The following PHLPP1 variants were observed in gnomAD, a reference collection of about 807,000 sequenced individuals.
PHLPP1 encodes PH domain and leucine rich repeat protein phosphatase 1, also known as PH domain leucine-rich repeat-containing protein phosphatase 1.
In PHLPP1, 42 loss-of-function variants were observed where a neutral mutation model predicts 117.2. The observed-to-expected ratio is 0.36, with a 90% CI of 0.28 to 0.46. The LOEUF (loss-of-function observed/expected upper bound fraction) is 0.46. PHLPP1 is among the 20% of genes least tolerant of loss of function. The pLI, the probability that PHLPP1 is intolerant of heterozygous loss-of-function variation, is 1.00. For synonymous variants in PHLPP1, 1,042 were observed against 970.7 expected (o/e 1.07, Z -1.37); for missense variants, 2,084 against 2,241.9 (o/e 0.93, Z 1.42).
chr18:62,858,886 T>A (rs1915563395), intron 3 of PHLPP1, among the ~76,000 whole-genome samples: 1 of 152,188 alleles, frequency 6.6e-6, no homozygotes, highest in African/African-American at 2.4e-5. Context: ...TATTGAGTGC[T>A]TTTTCTGTGC....
chr18:62,777,657 G>A (rs995380060), intron 1 of PHLPP1, among the ~76,000 whole-genome samples: 1 of 152,050 alleles, frequency 6.6e-6, no homozygotes, highest in African/African-American at 2.4e-5. Context: ...AAGCTCTGTA[G>A]TTTTAAGTCT....
intron 1 of PHLPP1, among the ~76,000 whole-genome samples, chr18:62,823,922 GGC>G (rs1402701902): frequency 6.6e-6 from 1 of 151,922 alleles, no homozygotes; most frequent in African/African-American, 2.4e-5. Flanking sequence ...ATCTGAGGTG[GGC>G]AGTTAGAGAC....
intron 15 of PHLPP1, among the ~76,000 whole-genome samples, chr18:62,974,836 C>T (rs941559904): frequency 6.6e-6 from 1 of 151,930 alleles, no homozygotes; most frequent in African/African-American, 2.4e-5. Flanking sequence ...AAAGTCTTTA[C>T]TATATAGGGC....
At chr18:62,815,163 C>CTTT (rs397858926) in intron 1 of PHLPP1, among the ~76,000 whole-genome samples, 2 of 136,870 alleles carry the variant, frequency 1.5e-5, no homozygotes, top group South Asian at 2.3e-4. Flanking sequence ...TTTTTTTCCT[C>CTTT]TTTTTTTTTT....
At chr18:62,878,045 T>C (rs977685570) in intron 4 of PHLPP1, among the ~76,000 whole-genome samples, 51 of 152,242 alleles carry the variant, frequency 3.3e-4, no homozygotes, top group Admixed American at 7.2e-4. Context: ...AATTCAGTTA[T>C]TGTATTCTGT....
At chr18:62,879,802 G>A (rs1482409560) in intron 4 of PHLPP1, among the ~76,000 whole-genome samples, 1 of 152,152 alleles carries the variant, frequency 6.6e-6, no homozygotes, top group Non-Finnish European at 1.5e-5. Context: ...TTACAGTGAT[G>A]GGGCCCAAGA....
chr18:62,939,028 T>G (rs1047630693), intron 10 of PHLPP1, among the ~76,000 whole-genome samples: 1 of 148,008 alleles, frequency 6.8e-6, no homozygotes, highest in Non-Finnish European at 1.5e-5. Context: ...TTCGCTCTTG[T>G]TGCCCAGGTT....
At position 62,811,229 on chromosome 18, in the gene PHLPP1, G is replaced by T. The variant is rs376566305; in HGVS notation, c.1577-18806G>T. ...GAAAGAAATGGTAACATTAAATAGG[G>T]ATCTGGAGTCAGAAAATTCATGCTA... On this transcript the variant is annotated intron_variant, in intron 1 of 16. Coordinates refer to ENST00000262719, the MANE Select transcript of PHLPP1 (RefSeq NM_194449.4). 9.9e-5 allele frequency among the ~76,000 whole-genome samples: 15 copies of T among 152,256 alleles called. No individual in the cohort carries two copies. The East Asian group carries it at 2.1e-3, about 22-fold the overall frequency.
intron 1 of PHLPP1, among the ~76,000 whole-genome samples, chr18:62,801,511 G>T (rs1235285787): frequency 6.6e-6 from 1 of 152,050 alleles, no homozygotes; most frequent in African/African-American, 2.4e-5. Context: ...GGAGTGCAAT[G>T]GCGTGATCTT....
chr18:62,720,640 C>G (rs924421125), intron 1 of PHLPP1, among the ~76,000 whole-genome samples: 1 of 152,064 alleles, frequency 6.6e-6, no homozygotes, highest in African/African-American at 2.4e-5. Context: ...TTGAGTAACG[C>G]GGTTCGAACG....
intron 1 of PHLPP1, among the ~76,000 whole-genome samples, chr18:62,775,841 A>G (rs918854644): frequency 2.6e-5 from 4 of 152,164 alleles, no homozygotes; most frequent in African/African-American, 7.2e-5. Context: ...CCACTTTGCA[A>G]TGTTTATCCT....
Position 62,717,197 on chromosome 18 carries a change from T to C in PHLPP1, c.1514T>C (p.Leu505Pro), listed in dbSNP as rs1266419838. 3 of 1,612,978 alleles carry C rather than the reference T, an allele frequency of 1.9e-6. No homozygotes were observed. In the Admixed American group the frequency reaches 5.0e-5, roughly 27 times the overall value. ...CTCTTCCAACTGGGATTTGGGGAGC[T>C]GTGGAGGGTGCAGGAGGAAGGCATG... ...DYLFQLGFGE[L>P]WRVQEEGMDS... is the part of the protein sequence containing the mutation. The change falls in exon 1 of 17, where the codon CTG (leucine) becomes CCG (proline). Residue 505 changes from leucine (L) to proline (P), a missense_variant. Leu to Pro is a moderately conservative substitution (Grantham distance 98, BLOSUM62 -3). This residue lies in a region of PHLPP1 where 1,365 missense variants were observed against 1,605.9 expected (regional missense o/e 0.85). Coordinates refer to ENST00000262719, the MANE Select transcript of PHLPP1 (RefSeq NM_194449.4).
At chr18:62,872,168 A>G (rs990377101) in intron 4 of PHLPP1, among the ~76,000 whole-genome samples, 3 of 152,196 alleles carry the variant, frequency 2.0e-5, no homozygotes, top group Non-Finnish European at 2.9e-5. Context: ...ATGAAGACCT[A>G]AAGAAGTGAC....
chr18:62,816,246 G>A lies in PHLPP1; in HGVS notation c.1577-13789G>A, dbSNP rs117500066. ...TGCCCCTCAGAAAGGTTGTATTAAT[G>A]TACACTCATATCAGCAATGTATAAC... On this transcript the variant is annotated intron_variant, in intron 1 of 16. Coordinates refer to ENST00000262719, the MANE Select transcript of PHLPP1 (RefSeq NM_194449.4). Among the ~76,000 whole-genome samples the A allele has an allele frequency of 7.9e-4, 120 of 152,174 alleles. 1 individual carries two copies. The East Asian group carries it at 0.022, about 28-fold the overall frequency.
intron 1 of PHLPP1, among the ~76,000 whole-genome samples, chr18:62,783,485 C>T (rs1420415929): frequency 1.3e-5 from 2 of 152,030 alleles, no homozygotes; most frequent in African/African-American, 2.4e-5. Context: ...GCCTTGGCCT[C>T]CCAAAGTGCT....
chr18:62,745,891 A>T (rs1210406771), intron 1 of PHLPP1, among the ~76,000 whole-genome samples: 1 of 152,180 alleles, frequency 6.6e-6, no homozygotes, highest in East Asian at 1.9e-4. Flanking sequence ...AAATCCAAAT[A>T]CTGTACTAGT....
chr18:62,941,578 G>A, intron 10 of PHLPP1, 140 bp from the exon 11 acceptor site: 2 of 623,434 alleles, frequency 3.2e-6, no homozygotes, highest in Non-Finnish European at 5.7e-6. Flanking sequence ...CTTGCTAATT[G>A]AACTCCTTGA....
intron 4 of PHLPP1, among the ~76,000 whole-genome samples, chr18:62,870,178 G>A (rs1915866025): frequency 2.6e-5 from 4 of 152,092 alleles, no homozygotes; most frequent in Non-Finnish European, 5.9e-5. Flanking sequence ...TTACAGGTGT[G>A]AGCCACTGTG....
intron 1 of PHLPP1, among the ~76,000 whole-genome samples, chr18:62,795,391 T>C (rs891734913): frequency 1.3e-4 from 19 of 150,510 alleles, no homozygotes; most frequent in Admixed American, 4.6e-4. Context: ...GGCAGGAGAA[T>C]TGCTTGAACC....
Sources: gnomAD v4.1 joint callset for allele counts (sites outside exome capture counted in the v4.1 genomes callset) on GRCh38, gnomAD v4.1.1 for gene constraint, gnomAD v4.1.1 regional missense constraint, MANE v1.5 for transcripts, NCBI Gene and HGNC (gene_info 2026-07-23, HGNC 2026-07-21) for gene names.